The following MSTO1 variants were observed in gnomAD, a reference collection of about 807,000 sequenced individuals.
The protein encoded by MSTO1 is protein misato homolog 1.
MSTO1 carries 24 observed loss-of-function variants against 55.7 expected under a neutral mutation model. The observed-to-expected ratio is 0.43, with a 90% CI of 0.31 to 0.61. The LOEUF (loss-of-function observed/expected upper bound fraction) is 0.61. MSTO1 is among the 20% of genes least tolerant of loss of function. MSTO1 has a pLI of 0.09. For missense variants in MSTO1, 363 were observed against 625.7 expected (o/e 0.58, Z 4.48); for synonymous variants, 162 against 252.8 (o/e 0.64, Z 3.41).
At chr1:155,567,142 C>G in the MSTO1 span, among the ~76,000 whole-genome samples, 1 of 151,052 alleles carries the variant, frequency 6.6e-6, no homozygotes, top group East Asian at 1.9e-4. Context: ...TTTTTTTTTC[C>G]CCACAGAGTC....
the MSTO1 span, among the ~76,000 whole-genome samples, chr1:155,588,745 A>G: frequency 6.6e-6 from 1 of 152,152 alleles, no homozygotes; most frequent in Non-Finnish European, 1.5e-5. Flanking sequence ...GAGCGGGATT[A>G]GTCGAGTCAG....
At chr1:155,600,909 C>G in the MSTO1 span, among the ~76,000 whole-genome samples, 1 of 150,602 alleles carries the variant, frequency 6.6e-6, no homozygotes, top group African/African-American at 2.4e-5. Flanking sequence ...ATCTCCTGAT[C>G]TCGTGATGCG....
chr1:155,566,088 G>C, the MSTO1 span: 1 of 152,152 alleles, frequency 6.6e-6, no homozygotes, highest in Non-Finnish European at 1.5e-5. Context: ...TTTTCAGAAA[G>C]ACAATAATGG....
At chr1:155,568,228 C>T in the MSTO1 span, among the ~76,000 whole-genome samples, 1 of 150,828 alleles carries the variant, frequency 6.6e-6, no homozygotes, top group African/African-American at 2.4e-5. Flanking sequence ...TACAGGTGCC[C>T]GCCACTGTGC....
chr1:155,614,765 A>G lies in MSTO1; in HGVS notation c.*492A>G. On this transcript the variant is annotated 3_prime_UTR_variant, in exon 14 of 14. Coordinates refer to ENST00000245564, the MANE Select transcript of MSTO1 (RefSeq NM_018116.4). Reference sequence around the variant, plus strand: ...TCAGACAGAAGGTCCCCATGGTCAGACAGCTGGTCTGCATTGCTGGTACTG... The same window carrying G: ...TCAGACAGAAGGTCCCCATGGTCAGGCAGCTGGTCTGCATTGCTGGTACTG... 5 of 1,562,102 alleles carry G rather than the reference A, an allele frequency of 3.2e-6. No individual in the cohort carries two copies. In the Middle Eastern group the frequency reaches 5.0e-4, roughly 157 times the overall value.
At chr1:155,598,154 G>C in the MSTO1 span, among the ~76,000 whole-genome samples, 1 of 147,640 alleles carries the variant, frequency 6.8e-6, no homozygotes, top group African/African-American at 2.5e-5. Context: ...TTTCACCCTT[G>C]TTGCACAGGC....
the MSTO1 span, among the ~76,000 whole-genome samples, chr1:155,565,704 C>A: frequency 1.3e-5 from 2 of 152,198 alleles, no homozygotes; most frequent in African/African-American, 2.4e-5. Flanking sequence ...AAATAAGTTT[C>A]ATTAACTACA....
intron 9 of MSTO1, 114 bp downstream of exon 9, chr1:155,612,684 T>C: frequency 7.0e-7 from 1 of 1,419,760 alleles, no homozygotes; most frequent in East Asian, 2.3e-5. Context: ...TGAACTCAGC[T>C]GTGATGTGGC....
chr1:155,571,918 T>C, the MSTO1 span, among the ~76,000 whole-genome samples: 1 of 151,874 alleles, frequency 6.6e-6, no homozygotes, highest in Non-Finnish European at 1.5e-5. Flanking sequence ...GGCAGACACC[T>C]ATAATCCCAG....
chr1:155,596,023 T>C, the MSTO1 span, among the ~76,000 whole-genome samples: 47 of 152,322 alleles, frequency 3.1e-4, no homozygotes, highest in East Asian at 3.1e-3. Flanking sequence ...ATTTGTGGTC[T>C]GTGCTGTAAT....
chr1:155,609,217 GTA>G (rs777579171), upstream of MSTO1, among the ~76,000 whole-genome samples: 274 of 84,504 alleles, frequency 3.2e-3, 5 homozygotes, highest in African/African-American at 7.3e-3. Context: ...ATTATCAGCA[GTA>G]TATATATATA....
chr1:155,575,796 T>TTTCA, the MSTO1 span, among the ~76,000 whole-genome samples: 1 of 144,660 alleles, frequency 6.9e-6, no homozygotes. Context: ...CTTATTTTAT[T>TTTCA]TTTATTTATT....
rs367885512 is a variant in MSTO1, at chr1:155,612,269, C to G, written c.766C>G (p.Arg256Gly). ...AELLQDEYSG[R>G]GIITWGLLPG... is the part of the protein sequence containing the mutation. ...GCTGCTACAAGATGAATATTCAGGGCGGGGAATAATAACCTGGGGCCTGCT... is the reference window on the plus strand; with the variant it reads ...GCTGCTACAAGATGAATATTCAGGGGGGGGAATAATAACCTGGGGCCTGCT... The change falls in exon 8 of 14, where the codon CGG becomes GGG. Residue 256 changes from arginine to glycine, a missense_variant. Transcript: ENST00000245564. 3.8e-6 allele frequency: 6 copies of G among 1,591,244 alleles called. No individual in the cohort carries two copies. The highest frequency in any genetic ancestry group is 5.1e-6 in the Non-Finnish European group (6 of 1,167,688).
At chr1:155,596,278 T>G in the MSTO1 span, among the ~76,000 whole-genome samples, 1 of 152,204 alleles carries the variant, frequency 6.6e-6, no homozygotes, top group Non-Finnish European at 1.5e-5. Context: ...ATCTGCCAAT[T>G]CCTCTGGGGT....
At chr1:155,567,134 T>C in the MSTO1 span, among the ~76,000 whole-genome samples, 11 of 151,982 alleles carry the variant, frequency 7.2e-5, no homozygotes, top group South Asian at 2.1e-3. Context: ...GTTGGTTTTT[T>C]TTTTTTCCCC....
chr1:155,580,231 A>G, the MSTO1 span, among the ~76,000 whole-genome samples: 1 of 151,612 alleles, frequency 6.6e-6, no homozygotes. Context: ...ACTCTAAGAA[A>G]AAAAAAAAAA....
chr1:155,568,052 A>AATAT, the MSTO1 span, among the ~76,000 whole-genome samples: 2 of 121,676 alleles, frequency 1.6e-5, no homozygotes, highest in African/African-American at 2.7e-5. Flanking sequence ...AAAAAAAAAA[A>AATAT]TTATTTATTT....
Position 155,614,858 on chromosome 1 carries a change from A to G in MSTO1, c.*585A>G. On this transcript the variant is annotated 3_prime_UTR_variant, in exon 14 of 14. Coordinates refer to ENST00000245564, the MANE Select transcript of MSTO1 (RefSeq NM_018116.4). The stretch of plus-strand genomic sequence containing the variant: ...TGGAAGAGCTGCATGAGTTCTCGAA[A>G]ATGGTGGGAAACCTAAGAAAGGAGG... The G allele has an allele frequency of 1.3e-6, 2 of 1,578,322 alleles. No individual in the cohort carries two copies. The highest frequency in any genetic ancestry group is 1.7e-6 in the Non-Finnish European group (2 of 1,161,218).
chr1:155,605,953 C>A (rs1464896984), upstream of MSTO1, among the ~76,000 whole-genome samples: 1 of 152,140 alleles, frequency 6.6e-6, no homozygotes, highest in African/African-American at 2.4e-5. Flanking sequence ...CAAATGCTGA[C>A]AAGAACATTA....
Sources: allele counts gnomAD v4.1 joint callset (sites outside exome capture counted in the v4.1 genomes callset), GRCh38; gene constraint gnomAD v4.1.1; transcripts MANE v1.5; gene names NCBI Gene and HGNC (gene_info 2026-07-23, HGNC 2026-07-21).